The following CNTN5 variants were observed in gnomAD, a reference collection of about 807,000 sequenced individuals.
The protein encoded by CNTN5 is contactin-5.
In CNTN5, 77 loss-of-function variants were observed where a neutral mutation model predicts 129.1. The ratio of observed to expected loss-of-function variants is 0.60; its 90% confidence interval spans 0.50 to 0.72. The LOEUF is 0.72. Among genes scored for constraint, CNTN5 ranks in the 30% least tolerant of loss-of-function variants. CNTN5 has a pLI of 0.00. For missense variants in CNTN5, 1,478 were observed against 1,328.8 expected (o/e 1.11, Z -1.75); for synonymous variants, 509 against 465.6 (o/e 1.09, Z -1.20).
intron 3 of CNTN5, among the ~76,000 whole-genome samples, chr11:99,683,933 A>G (rs944926480): frequency 6.6e-6 from 1 of 151,846 alleles, no homozygotes; most frequent in African/African-American, 2.4e-5. Flanking sequence ...AGTATCTCAC[A>G]TACTATTTTT....
chr11:99,814,250 T>C (rs776326741), intron 3 of CNTN5, among the ~76,000 whole-genome samples: 23 of 152,052 alleles, frequency 1.5e-4, no homozygotes, highest in Admixed American at 4.6e-4. Context: ...CAAGGCTGAG[T>C]GTATGCGTGT....
intron 3 of CNTN5, among the ~76,000 whole-genome samples, chr11:99,743,256 C>A (rs1943941807): frequency 6.6e-6 from 1 of 152,120 alleles, no homozygotes; most frequent in African/African-American, 2.4e-5. Flanking sequence ...TATAAATCAT[C>A]CTCTTCATAC....
chr11:100,030,271 C>T (rs1367917131), intron 9 of CNTN5, among the ~76,000 whole-genome samples: 1 of 152,060 alleles, frequency 6.6e-6, no homozygotes, highest in African/African-American at 2.4e-5. Context: ...TCCAGCTACC[C>T]AGGAGGCTGA....
chr11:99,726,628 A>G (rs532877901), intron 3 of CNTN5, among the ~76,000 whole-genome samples: 18 of 152,236 alleles, frequency 1.2e-4, no homozygotes, highest in Non-Finnish European at 2.6e-4. Context: ...ATCCTAAAAA[A>G]TAGGAAACTA....
chr11:99,100,775 C>T (rs1866694114), intron 1 of CNTN5, among the ~76,000 whole-genome samples: 1 of 152,040 alleles, frequency 6.6e-6, no homozygotes, highest in Non-Finnish European at 1.5e-5. Context: ...ATATTACCTA[C>T]TTATAAATGT....
At chr11:99,406,735 G>T (rs1282827658) in intron 2 of CNTN5, among the ~76,000 whole-genome samples, 5 of 152,176 alleles carry the variant, frequency 3.3e-5, no homozygotes, top group African/African-American at 1.2e-4. Flanking sequence ...GTGTTCTGTT[G>T]TACTGCAGCT....
In CNTN5 at chr11:100,316,519, T is replaced by C. The variant is rs200076098; in HGVS notation, c.2730+8051T>C. ...CCTCTGAAGAAACAGTGTGAATAAATCTGTGCCAATGCCTTACATGGGTGT... is the reference window on the plus strand; with the variant it reads ...CCTCTGAAGAAACAGTGTGAATAAACCTGTGCCAATGCCTTACATGGGTGT... On this transcript the variant is annotated intron_variant, in intron 21 of 24. Coordinates refer to ENST00000524871, the MANE Select transcript of CNTN5 (RefSeq NM_014361.4). Among the ~76,000 whole-genome samples the C allele has an allele frequency of 2.6e-5, 4 of 152,304 alleles. No homozygotes were observed. In the East Asian group the frequency reaches 5.8e-4, roughly 22 times the overall value.
intron 1 of CNTN5, among the ~76,000 whole-genome samples, chr11:99,298,065 A>T (rs544460117): frequency 6.6e-6 from 1 of 152,176 alleles, no homozygotes; most frequent in African/African-American, 2.4e-5. Context: ...CATGATCTCC[A>T]GCTGCTCTGA....
chr11:99,834,335 GA>G (rs899889326), intron 4 of CNTN5, among the ~76,000 whole-genome samples: 2 of 152,060 alleles, frequency 1.3e-5, no homozygotes, highest in Non-Finnish European at 2.9e-5. Flanking sequence ...TTATAATTCT[GA>G]AAACTTACAT....
chr11:100,188,069 G>A (rs1041289861), intron 13 of CNTN5, among the ~76,000 whole-genome samples: 8 of 152,110 alleles, frequency 5.3e-5, no homozygotes, highest in African/African-American at 1.7e-4. Context: ...GAATCTATGA[G>A]GAACATAAAC....
chr11:99,287,794 G>A (rs1565464214), intron 1 of CNTN5, among the ~76,000 whole-genome samples: 1 of 151,854 alleles, frequency 6.6e-6, no homozygotes, highest in Non-Finnish European at 1.5e-5. Flanking sequence ...ACTAACTCAT[G>A]TCTCTCTAAC....
intron 2 of CNTN5, among the ~76,000 whole-genome samples, chr11:99,467,816 T>G (rs1565207468): frequency 6.6e-6 from 1 of 152,150 alleles, no homozygotes; most frequent in Non-Finnish European, 1.5e-5. Context: ...TCTTTTTATT[T>G]AACTATATTA....
At chr11:99,856,577 T>G (rs536030487) in intron 6 of CNTN5, among the ~76,000 whole-genome samples, 1 of 152,316 alleles carries the variant, frequency 6.6e-6, no homozygotes, top group Admixed American at 6.5e-5. Flanking sequence ...GGGGCAAGTA[T>G]GGAGTAGCAC....
In CNTN5 at chr11:99,795,588, C is replaced by CTTTTT. The variant is rs35521565; in HGVS notation, c.56-23947_56-23943dup. Among the ~76,000 whole-genome samples the CTTTTT allele has an allele frequency of 0.01, 1,473 of 143,142 alleles. 58 individuals are homozygous for CTTTTT. The East Asian group carries it at 0.12, about 12-fold the overall frequency. 93.9% of individuals were successfully genotyped at this position (143,142 alleles called of 152,430 possible). On this transcript the variant is annotated intron_variant, in intron 3 of 24. Coordinates refer to ENST00000524871, the MANE Select transcript of CNTN5 (RefSeq NM_014361.4). Reference sequence around the variant, plus strand: ...TCGCTGAAGCTGTTATCCTTTAGATCTTTTTTTTTTTTTGTATTTATCTTC... The same window carrying CTTTTT: ...TCGCTGAAGCTGTTATCCTTTAGATCTTTTTTTTTTTTTTTTTTGTATTTATCTTC...
intron 3 of CNTN5, among the ~76,000 whole-genome samples, chr11:99,734,955 C>G (rs1244648464): frequency 6.6e-6 from 1 of 152,194 alleles, no homozygotes; most frequent in East Asian, 1.9e-4. Flanking sequence ...TTGCAGTGAG[C>G]CGAGATAGCA....
intron 1 of CNTN5, among the ~76,000 whole-genome samples, chr11:99,136,685 C>T (rs1177126398): frequency 6.6e-6 from 1 of 152,030 alleles, no homozygotes; most frequent in Non-Finnish European, 1.5e-5. Context: ...TATCAGCTAT[C>T]AAATAAGAGA....
chr11:99,651,105 T>C (rs1464195699), intron 3 of CNTN5, among the ~76,000 whole-genome samples: 1 of 152,010 alleles, frequency 6.6e-6, no homozygotes, highest in Non-Finnish European at 1.5e-5. Context: ...TCTGTCCTTT[T>C]TAGAAAAGGA....
At chr11:99,671,611 A>C (rs948478258) in intron 3 of CNTN5, among the ~76,000 whole-genome samples, 1 of 152,216 alleles carries the variant, frequency 6.6e-6, no homozygotes, top group Non-Finnish European at 1.5e-5. Flanking sequence ...GGGCTGAGGC[A>C]CATTATCGAA....
chr11:99,304,196 G>A (rs1409202460), intron 1 of CNTN5, among the ~76,000 whole-genome samples: 1 of 152,050 alleles, frequency 6.6e-6, no homozygotes, highest in Non-Finnish European at 1.5e-5. Flanking sequence ...CTTCACACAG[G>A]ACCTCTCTCA....
Sources: gnomAD v4.1 joint callset for allele counts (sites outside exome capture counted in the v4.1 genomes callset) on GRCh38, gnomAD v4.1.1 for gene constraint, MANE v1.5 for transcripts, NCBI Gene and HGNC (gene_info 2026-07-23, HGNC 2026-07-21) for gene names.